CPSF1: variants seen among roughly 807,000 people sequenced by gnomAD.
The protein encoded by CPSF1 is cleavage and polyadenylation specificity factor subunit 1.
Under a neutral mutation model 175.8 loss-of-function variants are expected in CPSF1, and 106 were observed. The ratio of observed to expected loss-of-function variants is 0.60; its 90% confidence interval spans 0.52 to 0.71. The LOEUF (loss-of-function observed/expected upper bound fraction) is 0.71. CPSF1 is among the 30% of genes least tolerant of loss of function. The pLI, the probability that CPSF1 is intolerant of heterozygous loss-of-function variation, is 0.00. For synonymous variants in CPSF1, 1,024 were observed against 858.3 expected (o/e 1.19, Z -3.37); for missense variants, 1,734 against 2,022.9 (o/e 0.86, Z 2.74).
At position 144,409,058 on chromosome 8, in the gene CPSF1, C is replaced by T; in HGVS notation, c.101G>A (p.Gly34Glu). The T allele has an allele frequency of 1.9e-6, 3 of 1,613,796 alleles. No homozygotes were observed. Among genetic ancestry groups the T allele is most frequent in the Non-Finnish European group, 2.5e-6 (3 of 1,179,908 alleles). The change falls in exon 2 of 38, where the codon GGG becomes GAG. Residue 34 changes from glycine to glutamate, a missense_variant. Physicochemically the swap from Gly to Glu is moderately conservative, Grantham distance 98. Around this residue, in one of 10 missense-constraint regions of CPSF1, gnomAD observed 126 missense variants for 117.9 expected, o/e 1.07. Coordinates refer to ENST00000616140, the MANE Select transcript of CPSF1 (RefSeq NM_013291.3). The part of the protein sequence containing the change: ...NNSERNLVVA[G>E]TSQLYVYRLN... ...GCGGTACACGTAGAGCTGCGAGGTC[C>T]CGGCCACTACCAGGTTGCGCTCGCT... is the stretch of plus-strand genomic sequence containing the variant.
At chr8:144,397,039 A>G in intron 23 of CPSF1, 110 bp from the exon 24 acceptor site, 3 of 857,148 alleles carry the variant, frequency 3.5e-6, no homozygotes, top group East Asian at 2.8e-5. Flanking sequence ...GATGGGGTGG[A>G]GCCATGTATG....
Position 144,398,885 on chromosome 8 carries a change from GTGGGGGTGTGA to G in CPSF1, c.1549-28_1549-18del, listed in dbSNP as rs2116855807. 8.7e-5 allele frequency: 140 copies of G among 1,610,250 alleles called. No individual in the cohort carries two copies. In the African/African-American group the frequency reaches 1.1e-3, roughly 12 times the overall value. ...GATGCTCTTCTAGAATGATGATGGG[GTGGGGGTGTGA>G]TGGGGGTGTGAGCCCACCCAGGTCC... On this transcript the variant is annotated intron_variant, in intron 16 of 37. Coordinates refer to ENST00000616140, the MANE Select transcript of CPSF1 (RefSeq NM_013291.3).
At chr8:144,401,698 A>G in intron 2 of CPSF1, 25 bp from the exon 3 acceptor site, 1 of 1,595,848 alleles carries the variant, frequency 6.3e-7, no homozygotes. Flanking sequence ...AAGACAGGGC[A>G]GTGAGGGGCC....
chr8:144,396,778 G>A lies in CPSF1; in HGVS notation c.2683-37C>T, dbSNP rs782296734. 66 of 1,612,618 alleles carry A rather than the reference G, an allele frequency of 4.1e-5. No homozygotes were observed. The Middle Eastern group carries it at 4.9e-4, about 12-fold the overall frequency. On this transcript the variant is annotated intron_variant, in intron 24 of 37. Coordinates refer to ENST00000616140, the MANE Select transcript of CPSF1 (RefSeq NM_013291.3). ...CCATGCAGGTCCTCCAGGGGCTGCC[G>A]GTCTGAAACCCACACCTTGTACCAC...
intron 26 of CPSF1, 68 bp from the exon 27 acceptor site, chr8:144,395,619 C>G: frequency 7.4e-7 from 1 of 1,354,470 alleles, no homozygotes; most frequent in South Asian, 1.3e-5. Context: ...AGGCCCAGGC[C>G]GCCAAGAGCC....
At chr8:144,400,599 C>T (rs1459425918) in intron 7 of CPSF1, 72 bp downstream of exon 7, 2 of 1,596,180 alleles carry the variant, frequency 1.3e-6, no homozygotes, top group Non-Finnish European at 1.7e-6. Context: ...CGCCCTAAAC[C>T]CCATGGGCCC....
In CPSF1 at chr8:144,398,448, G is replaced by A. The variant is rs2116849881; in HGVS notation, c.1753-5C>T. 3.3e-5 allele frequency: 54 copies of A among 1,613,766 alleles called. No individual in the cohort carries two copies. Among genetic ancestry groups the A allele is most frequent in the South Asian group, 2.0e-4 (18 of 91,090 alleles). On this transcript the variant is annotated splice_region_variant and splice_polypyrimidine_tract_variant and intron_variant, in intron 18 of 37. Transcript: ENST00000616140. ...CTCCTGCCCCGTCTGCAGGATCTGC[G>A]GGCGACAGCTGTGAGGGAGGCGCCC...
At chr8:144,396,814 C>T (rs782774987) in intron 24 of CPSF1, 26 bp downstream of exon 24, 29 of 1,613,130 alleles carry the variant, frequency 1.8e-5, no homozygotes, top group South Asian at 7.7e-5. Flanking sequence ...ACCCACCCCA[C>T]GCCCCAGCAG....
chr8:144,408,918 T>C, intron 2 of CPSF1, 97 bp downstream of exon 2: 4 of 1,448,046 alleles, frequency 2.8e-6, no homozygotes, highest in South Asian at 2.5e-5. Flanking sequence ...AGCAAATCAC[T>C]CAACTTGTCT....
chr8:144,408,491 C>T (rs1378518093), intron 2 of CPSF1, among the ~76,000 whole-genome samples: 3 of 152,198 alleles, frequency 2.0e-5, no homozygotes, highest in African/African-American at 4.8e-5. Flanking sequence ...AGTCTGTCCC[C>T]ATCCTAGACC....
rs1251732281 is a variant in CPSF1 at position 144,395,308 on chromosome 8, T to G, written c.3144A>C (p.Pro1048=). 3.1e-6 allele frequency: 5 copies of G among 1,612,870 alleles called. No individual in the cohort carries two copies. In the African/African-American group the frequency reaches 5.4e-5, roughly 17 times the overall value. Residue 1048 remains proline, a synonymous_variant, in exon 28 of 38, where the codon CCA becomes CCC. Coordinates refer to ENST00000616140, the MANE Select transcript of CPSF1 (RefSeq NM_013291.3). ...ACTCCTTCTCCTCGCCAGTCATGCG[T>G]GGGATGCGGGCACACGGCGTGTTGG... ...TSTNTPCARI[P]RMTGEEKEFE... is the part of the protein sequence containing the mutation.
rs1222181111 is a variant in CPSF1, at chr8:144,395,131, G to A, written c.3239C>T (p.Ser1080Phe). 1.9e-6 allele frequency: 3 copies of A among 1,612,320 alleles called. No individual in the cohort carries two copies. Among genetic ancestry groups the A allele is most frequent in the South Asian group, 2.2e-5 (2 of 90,970 alleles). ...GGGAATAGCCTCCCAGCTGACCGGG[G>A]AGATGAGCTGGATGGAGAAGGCCTC... ...QQEAFSIQLISPVSWEAIPNA... is the reference protein window; with the variant it reads ...QQEAFSIQLIFPVSWEAIPNA... Residue 1080 changes from serine (S) to phenylalanine (F), a missense_variant, in exon 29 of 38, where the codon TCC becomes TTC. Ser to Phe is a radical substitution (Grantham distance 155). Around this residue, in one of 10 missense-constraint regions of CPSF1, gnomAD observed 585 missense variants for 584.7 expected, o/e 1.00. Transcript: ENST00000616140.
At chr8:144,401,142 A>C (rs2116881726) in intron 5 of CPSF1, 67 bp from the exon 6 acceptor site, 5 of 1,510,064 alleles carry the variant, frequency 3.3e-6, no homozygotes, top group African/African-American at 2.8e-5. Context: ...TTGGGGCCAC[A>C]GAACCCAGCT....
chr8:144,406,296 T>C (rs140214689), intron 2 of CPSF1, among the ~76,000 whole-genome samples: 3 of 152,182 alleles, frequency 2.0e-5, no homozygotes, highest in African/African-American at 7.2e-5. Flanking sequence ...GCTGGGCTCT[T>C]ACCCCTGCTC....
intron 2 of CPSF1, among the ~76,000 whole-genome samples, chr8:144,407,274 G>A (rs2116907982): frequency 6.7e-6 from 1 of 150,174 alleles, no homozygotes; most frequent in African/African-American, 2.5e-5. Context: ...GGAGTGTAAT[G>A]GTGCAATTAT....
At chr8:144,398,491 C>CCCCAGGTCCCAGGT (rs141269368) in intron 18 of CPSF1, 34 bp downstream of exon 18, 49 of 1,612,178 alleles carry the variant, frequency 3.0e-5, no homozygotes, top group East Asian at 6.7e-5. Flanking sequence ...GGGACCCCAG[C>CCCCAGGTCCCAGGT]CCCAGGTCCC....
intron 2 of CPSF1, among the ~76,000 whole-genome samples, chr8:144,406,685 G>A (rs1438430700): frequency 6.6e-6 from 1 of 152,190 alleles, no homozygotes; most frequent in Admixed American, 6.5e-5. Context: ...TGCCTGATGT[G>A]GAATGAGCAC....
chr8:144,399,219 G>T lies in CPSF1; in HGVS notation c.1393-17C>A. 6.2e-7 allele frequency: 1 copy of T among 1,611,562 alleles called. No individual in the cohort carries two copies. The highest frequency in any genetic ancestry group is 8.5e-7 in the Non-Finnish European group (1 of 1,179,504). ...GTCACACACCTGCGGCACAGCAAGA[G>T]TCAGGGGCCCGCTGGGGGCGCTGGC... On this transcript the variant is annotated splice_polypyrimidine_tract_variant and intron_variant, in intron 14 of 37. Transcript: ENST00000616140. This position sits in a 1 kb window ranked among gnomAD's most constrained non-coding sequence, Gnocchi z 6.4.
In CPSF1 at chr8:144,393,695, G is replaced by T; in HGVS notation, c.4117C>A (p.His1373Asn). The T allele has an allele frequency of 6.4e-7, 1 of 1,564,458 alleles. No homozygotes were observed. ...AAGGCGCGGGGGTTGAGGCCGGCGT[G>T]GTGTGGCAGCATGGTGGTCAGCGCG... The part of the protein sequence containing the change: ...QNALTTMLPH[H>N]AGLNPRAFRM... The change falls in exon 36 of 38, where the codon CAC becomes AAC. Residue 1373 changes from histidine to asparagine, a missense_variant. Physicochemically the swap from His to Asn is moderately conservative, Grantham distance 68. This residue lies in a region of CPSF1 where 323 missense variants were observed against 338.5 expected (regional missense o/e 0.95). Coordinates refer to ENST00000616140, the MANE Select transcript of CPSF1 (RefSeq NM_013291.3).
Sources: gnomAD v4.1 joint callset for allele counts (sites outside exome capture counted in the v4.1 genomes callset) on GRCh38, gnomAD v4.1.1 for gene constraint, gnomAD v4.1.1 regional missense constraint, Gnocchi (gnomAD v3.1) non-coding constraint, MANE v1.5 for transcripts, NCBI Gene and HGNC (gene_info 2026-07-23, HGNC 2026-07-21) for gene names.